CCSER1: variants seen among roughly 807,000 people sequenced by gnomAD.
The protein encoded by CCSER1 is serine-rich coiled-coil domain-containing protein 1.
In CCSER1, 41 loss-of-function variants were observed where a neutral mutation model predicts 82.0. The observed-to-expected ratio is 0.50, with a 90% CI of 0.39 to 0.65. The LOEUF (loss-of-function observed/expected upper bound fraction) is 0.65. Among genes scored for constraint, CCSER1 ranks in the 30% least tolerant of loss-of-function variants. CCSER1 has a pLI of 0.00. For missense variants in CCSER1, 1,119 were observed against 1,064.2 expected (o/e 1.05, Z -0.72); for synonymous variants, 414 against 383.9 (o/e 1.08, Z -0.92).
chr4:90,481,323 C>G (rs374549010), intron 5 of CCSER1, among the ~76,000 whole-genome samples: 2 of 152,154 alleles, frequency 1.3e-5, no homozygotes, highest in Non-Finnish European at 2.9e-5. Context: ...CAAACAGGGA[C>G]AATTTGACTT....
intron 10 of CCSER1, among the ~76,000 whole-genome samples, chr4:91,149,853 C>G (rs1316047659): frequency 6.6e-6 from 1 of 152,132 alleles, no homozygotes; most frequent in Middle Eastern, 3.2e-3. Context: ...TGTTTTGGTA[C>G]CAGTACCATG....
intron 10 of CCSER1, among the ~76,000 whole-genome samples, chr4:91,377,126 C>A (rs1256899568): frequency 6.6e-6 from 1 of 152,164 alleles, no homozygotes; most frequent in Non-Finnish European, 1.5e-5. Context: ...ATATGTGTCA[C>A]ATTTTCTTAA....
intron 10 of CCSER1, among the ~76,000 whole-genome samples, chr4:91,355,796 G>A (rs1748787718): frequency 6.6e-6 from 1 of 152,152 alleles, no homozygotes; most frequent in Non-Finnish European, 1.5e-5. Context: ...ACAGCTCCCA[G>A]TCTACTGATG....
intron 1 of CCSER1, among the ~76,000 whole-genome samples, chr4:90,142,325 C>T (rs1724947015): frequency 6.6e-6 from 1 of 152,218 alleles, no homozygotes; most frequent in South Asian, 2.1e-4. Flanking sequence ...TCCATGACGA[C>T]TTTAACCCTC....
At chr4:90,842,565 G>A (rs192119341) in intron 8 of CCSER1, among the ~76,000 whole-genome samples, 1 of 152,140 alleles carries the variant, frequency 6.6e-6, no homozygotes, top group Non-Finnish European at 1.5e-5. Flanking sequence ...ATAGGGCATG[G>A]GTTTGGATGT....
chr4:91,402,205 G>T (rs1752386596), intron 10 of CCSER1, among the ~76,000 whole-genome samples: 1 of 152,164 alleles, frequency 6.6e-6, no homozygotes. Flanking sequence ...CTTTTGAGAA[G>T]TGTCTGTTCA....
At chr4:91,129,020 C>G (rs1727760049) in intron 10 of CCSER1, among the ~76,000 whole-genome samples, 1 of 152,042 alleles carries the variant, frequency 6.6e-6, no homozygotes. Flanking sequence ...TTCAATCACT[C>G]AGTGAAAGCA....
intron 1 of CCSER1, among the ~76,000 whole-genome samples, chr4:90,131,062 A>C (rs1722744331): frequency 6.6e-6 from 1 of 151,976 alleles, no homozygotes. Flanking sequence ...CAGTGGCGCA[A>C]TCTCGGCTCA....
At chr4:90,235,060 T>C (rs1053321837) in intron 1 of CCSER1, 1 of 152,136 alleles carries the variant, frequency 6.6e-6, no homozygotes, top group Non-Finnish European at 1.5e-5. Flanking sequence ...CTGTGTATGC[T>C]CGAGGTGCAG....
At chr4:91,113,957 G>A (rs539163771) in intron 10 of CCSER1, among the ~76,000 whole-genome samples, 13 of 151,658 alleles carry the variant, frequency 8.6e-5, no homozygotes, top group South Asian at 2.1e-4. Context: ...AGTTCACGCC[G>A]TTCTCCTGCC....
chr4:91,431,186 A>T (rs1026642199), intron 10 of CCSER1, among the ~76,000 whole-genome samples: 2 of 152,168 alleles, frequency 1.3e-5, no homozygotes, highest in African/African-American at 4.8e-5. Flanking sequence ...GAGTGAGCGG[A>T]GATGGCGCCA....
chr4:90,844,009 A>G (rs1265455819), intron 8 of CCSER1, among the ~76,000 whole-genome samples: 2 of 151,864 alleles, frequency 1.3e-5, no homozygotes, highest in Admixed American at 1.3e-4. Context: ...TTTGTCAAGC[A>G]CTCTATGACC....
intron 10 of CCSER1, among the ~76,000 whole-genome samples, chr4:91,330,556 C>G (rs1486761471): frequency 1.3e-5 from 2 of 152,138 alleles, no homozygotes; most frequent in Non-Finnish European, 2.9e-5. Context: ...GCTTGTCTTC[C>G]CCTTGCGGAA....
At chr4:91,285,845 G>T in intron 10 of CCSER1, among the ~76,000 whole-genome samples, 1 of 151,868 alleles carries the variant, frequency 6.6e-6, no homozygotes, top group Middle Eastern at 3.4e-3. Flanking sequence ...TAGAAGGAAT[G>T]AATGCTTTTT....
At chr4:90,788,260 T>A (rs755596603) in intron 7 of CCSER1, among the ~76,000 whole-genome samples, 2 of 152,170 alleles carry the variant, frequency 1.3e-5, no homozygotes, top group Non-Finnish European at 2.9e-5. Flanking sequence ...AGATATCAAC[T>A]CAATTACTTA....
chr4:91,086,149 C>T (rs1723372493), intron 10 of CCSER1, among the ~76,000 whole-genome samples, 155 bp downstream of exon 10: 1 of 151,994 alleles, frequency 6.6e-6, no homozygotes, highest in Admixed American at 6.6e-5. Context: ...GTTCATTCTG[C>T]CAAAGCATAT....
chr4:91,234,385 T>C (rs1738844949), intron 10 of CCSER1, among the ~76,000 whole-genome samples: 10 of 152,084 alleles, frequency 6.6e-5, no homozygotes, highest in Admixed American at 6.5e-4. Flanking sequence ...AATAGATGTT[T>C]CAATTAAAAT....
chr4:91,237,703 G>A (rs1352158785), intron 10 of CCSER1, among the ~76,000 whole-genome samples: 2 of 151,952 alleles, frequency 1.3e-5, no homozygotes, highest in Non-Finnish European at 2.9e-5. Flanking sequence ...AGATTGGGGA[G>A]AGAGAGAGAG....
chr4:91,405,373 C>A (rs1254264214), intron 10 of CCSER1, among the ~76,000 whole-genome samples: 1 of 152,046 alleles, frequency 6.6e-6, no homozygotes, highest in African/African-American at 2.4e-5. Flanking sequence ...AAAACCTAGG[C>A]AATACCATTC....
Sources: allele counts gnomAD v4.1 joint callset (sites outside exome capture counted in the v4.1 genomes callset), GRCh38; gene constraint gnomAD v4.1.1; transcripts MANE v1.5; gene names NCBI Gene and HGNC (gene_info 2026-07-23, HGNC 2026-07-21).